The following SCMH1 variants were observed in gnomAD, a reference collection of about 807,000 sequenced individuals.
The protein encoded by SCMH1 is polycomb protein SCMH1.
A neutral mutation model predicts 70.8 loss-of-function variants in SCMH1; 37 were observed. The observed-to-expected ratio is 0.52, with a 90% CI of 0.40 to 0.69. The LOEUF is 0.69. Among genes scored for constraint, SCMH1 ranks in the 30% least tolerant of loss-of-function variants. The probability of loss-of-function intolerance (pLI) is 0.00; values close to 1 mark genes in which losing one functional copy is unlikely to be tolerated. For missense variants in SCMH1, 607 were observed against 827.3 expected, an observed-to-expected ratio of 0.73 and a Z score of 3.27; for synonymous variants, 292 against 307.4, an observed-to-expected ratio of 0.95 and a Z score of 0.52.
intron 1 of SCMH1, among the ~76,000 whole-genome samples, chr1:41,214,321 A>G (rs1193549607): frequency 6.6e-6 from 1 of 152,154 alleles, no homozygotes; most frequent in Admixed American, 6.6e-5. Context: ...AGCAATGTGA[A>G]ATATACTTTG....
intron 8 of SCMH1, among the ~76,000 whole-genome samples, chr1:41,099,931 ATTAGT>A (rs1666120686): frequency 6.6e-6 from 1 of 152,224 alleles, no homozygotes; most frequent in Admixed American, 6.5e-5. Context: ...AGAAAAGGTG[ATTAGT>A]TTAATCTAGT....
chr1:41,075,420 G>GGAGGCA (rs1235929878), exon 9 of SCMH1: 1 of 1,613,944 alleles, frequency 6.2e-7, no homozygotes, highest in South Asian at 1.1e-5. Context: ...TATTCACATC[G>GGAGGCA]GAGGCAGGAT....
At chr1:41,217,063 A>G (rs1222641622) in intron 1 of SCMH1, among the ~76,000 whole-genome samples, 1 of 152,230 alleles carries the variant, frequency 6.6e-6, no homozygotes, top group Non-Finnish European at 1.5e-5. Context: ...GGTAACGGGT[A>G]GGGACTGAAA....
intron 4 of SCMH1, among the ~76,000 whole-genome samples, chr1:41,157,925 G>A (rs927639154): frequency 3.9e-5 from 6 of 152,148 alleles, no homozygotes; most frequent in African/African-American, 1.4e-4. Flanking sequence ...GTTTAACACA[G>A]TGCCTGAAAT....
rs372697842 is a variant in SCMH1, at chr1:41,028,363, C to G, written c.1822-44G>C. 6.2e-6 allele frequency: 10 copies of G among 1,608,922 alleles called. No homozygotes were observed. In the South Asian group the frequency reaches 1.0e-4, roughly 16 times the overall value. Reference sequence around the variant, plus strand: ...GGCAGAAGTGGAAGGGAGGCACCATCAGAGTCCTGGTTGGTCTGACCACCC... The same window carrying G: ...GGCAGAAGTGGAAGGGAGGCACCATGAGAGTCCTGGTTGGTCTGACCACCC... On this transcript the variant is annotated intron_variant, in intron 14 of 14. Transcript: ENST00000337495.
intron 8 of SCMH1, among the ~76,000 whole-genome samples, chr1:41,084,737 T>C (rs371814550): frequency 6.6e-6 from 1 of 152,038 alleles, no homozygotes; most frequent in East Asian, 1.9e-4. Flanking sequence ...CAAATGTCCA[T>C]CAATGATAGA....
chr1:41,173,077 T>G (rs1221852336), intron 2 of SCMH1, among the ~76,000 whole-genome samples: 1 of 151,724 alleles, frequency 6.6e-6, no homozygotes, highest in Non-Finnish European at 1.5e-5. Context: ...AAAAGCAAAA[T>G]TACACAATTA....
chr1:41,183,708 A>G (rs1649426718), intron 2 of SCMH1, among the ~76,000 whole-genome samples: 1 of 152,204 alleles, frequency 6.6e-6, no homozygotes, highest in South Asian at 2.1e-4. Flanking sequence ...TGAGAGAAAA[A>G]TTACCCATAT....
At chr1:41,030,301 A>G (rs1319943107) in intron 13 of SCMH1, among the ~76,000 whole-genome samples, 3 of 152,200 alleles carry the variant, frequency 2.0e-5, no homozygotes, top group South Asian at 2.1e-4. Flanking sequence ...CCCTTTGCAT[A>G]TGAAATGAAA....
chr1:41,179,739 A>C (rs1044815296), intron 2 of SCMH1, among the ~76,000 whole-genome samples: 69 of 152,236 alleles, frequency 4.5e-4, no homozygotes, highest in Non-Finnish European at 1.3e-4. Context: ...ACCAACGAAA[A>C]AAAGTCCTGG....
At chr1:41,120,864 A>T (rs1671754163) in intron 6 of SCMH1, among the ~76,000 whole-genome samples, 1 of 152,164 alleles carries the variant, frequency 6.6e-6, no homozygotes, top group South Asian at 2.1e-4. Flanking sequence ...CTTTTATTAC[A>T]CTATGTTTAT....
At chr1:41,179,057 A>C (rs1647880842) in intron 2 of SCMH1, among the ~76,000 whole-genome samples, 1 of 152,244 alleles carries the variant, frequency 6.6e-6, no homozygotes, top group Non-Finnish European at 1.5e-5. Flanking sequence ...AGTGCAATCA[A>C]ACAAGAACTC....
intron 2 of SCMH1, among the ~76,000 whole-genome samples, chr1:41,177,479 C>A (rs201676391): frequency 6.6e-6 from 1 of 151,808 alleles, no homozygotes; most frequent in South Asian, 2.1e-4. Flanking sequence ...GGCAAAGAAG[C>A]TAAAAACCTT....
Position 41,028,058 on chromosome 1 carries a change from T to G in SCMH1, c.*136A>C, listed in dbSNP as rs1278474240. 8.7e-6 allele frequency: 9 copies of G among 1,032,918 alleles called. No homozygotes were observed. In the African/African-American group the frequency reaches 1.3e-4, roughly 15 times the overall value. The allele number at this position is 1,032,918 out of a possible 1,614,324, so 64.0% of individuals were successfully genotyped here. A position where few individuals can be genotyped will look rare whatever the true frequency, so the allele number is the denominator to read the frequency against. On this transcript the variant is annotated 3_prime_UTR_variant, in exon 15 of 15. Coordinates refer to ENST00000337495, the Ensembl canonical transcript of SCMH1. ...TCATGGCAGCTGTGGCTAGGAGTGG[T>G]GGCTCCACACAGCCTCTTGGAGTCC... is the stretch of plus-strand genomic sequence containing the variant.
chr1:41,178,498 T>A (rs912605778), intron 2 of SCMH1, among the ~76,000 whole-genome samples: 1 of 152,136 alleles, frequency 6.6e-6, no homozygotes, highest in Non-Finnish European at 1.5e-5. Context: ...CCATCTCACA[T>A]GCAGAGACAC....
At chr1:41,223,109 G>T (rs918825536) in intron 1 of SCMH1, among the ~76,000 whole-genome samples, 1 of 152,154 alleles carries the variant, frequency 6.6e-6, no homozygotes, top group Non-Finnish European at 1.5e-5. Flanking sequence ...ATTGTGGGAG[G>T]TTTTGAAATG....
intron 13 of SCMH1, among the ~76,000 whole-genome samples, chr1:41,034,684 C>T (rs981228282): frequency 1.3e-5 from 2 of 152,028 alleles, no homozygotes; most frequent in Non-Finnish European, 2.9e-5. Flanking sequence ...ACTTTCACAC[C>T]TCACTCATGC....
intron 1 of SCMH1, among the ~76,000 whole-genome samples, chr1:41,228,349 T>C (rs1184581684): frequency 6.6e-6 from 1 of 152,206 alleles, no homozygotes; most frequent in Non-Finnish European, 1.5e-5. Context: ...TGATGAGGGT[T>C]GCGCAGCAAT....
chr1:41,107,871 G>C (rs1226310872), intron 8 of SCMH1, among the ~76,000 whole-genome samples: 1 of 152,150 alleles, frequency 6.6e-6, no homozygotes, highest in African/African-American at 2.4e-5. Context: ...AGTGATTGTG[G>C]CATAATTTCG....
Sources: gnomAD v4.1 joint callset for allele counts (sites outside exome capture counted in the v4.1 genomes callset) on GRCh38, gnomAD v4.1.1 for gene constraint, MANE v1.5 for transcripts, NCBI Gene and HGNC (gene_info 2026-07-23, HGNC 2026-07-21) for gene names.